The following AHI1 variants were observed in gnomAD, a reference collection of about 807,000 sequenced individuals.
The protein encoded by AHI1 is Abelson helper integration site 1, also known as jouberin.
In AHI1, 123 loss-of-function variants were observed where a neutral mutation model predicts 149.3. The ratio of observed to expected loss-of-function variants is 0.82; its 90% CI spans 0.71 to 0.96. The LOEUF (loss-of-function observed/expected upper bound fraction) is 0.96, where lower values mean the gene tolerates loss of function less well. Among genes scored for constraint, AHI1 ranks in the 40% least tolerant of loss-of-function variants. The pLI, the probability that AHI1 is intolerant of heterozygous loss-of-function variation, is 0.00. For missense variants in AHI1, 1,439 were observed against 1,422.7 expected (o/e 1.01, Z -0.18); for synonymous variants, 475 against 459.8 (o/e 1.03, Z -0.42).
At chr6:135,420,465 G>C (rs1782989555) in intron 20 of AHI1, among the ~76,000 whole-genome samples, 1 of 152,056 alleles carries the variant, frequency 6.6e-6, no homozygotes, top group African/African-American at 2.4e-5. Flanking sequence ...AAAATCTGTG[G>C]TTTACTGTAG....
At chr6:135,496,387 G>A (rs1030255710) in intron 2 of AHI1, among the ~76,000 whole-genome samples, 1 of 152,144 alleles carries the variant, frequency 6.6e-6, no homozygotes, top group African/African-American at 2.4e-5. Context: ...CAAAGTGCTA[G>A]GATTACAGGC....
intron 23 of AHI1, among the ~76,000 whole-genome samples, chr6:135,376,957 C>A (rs569456140): frequency 1.4e-5 from 1 of 72,712 alleles, no homozygotes; most frequent in Admixed American, 1.5e-4. Flanking sequence ...AATGTCATAA[C>A]AACCAAAGAA....
In AHI1 at chr6:135,466,090, T is replaced by C; in HGVS notation, c.473A>G (p.His158Arg). The C allele has an allele frequency of 6.2e-7, 1 of 1,613,972 alleles. No homozygotes were observed. The highest frequency in any genetic ancestry group is 8.5e-7 in the Non-Finnish European group (1 of 1,179,862). ...NKVDSTHQKT[H>R]TKPQPGVDHQ... ...ATCAACGCCTGGCTGTGGCTTTGTA[T>C]GTGTTTTCTGGTGTGTAGAATCAAC... is the stretch of plus-strand genomic sequence containing the variant. The change falls in exon 7 of 29, where the codon CAT (histidine) becomes CGT (arginine). Residue 158 changes from histidine (H) to arginine (R), a missense_variant. His to Arg is a conservative substitution (Grantham distance 29). Transcript: ENST00000265602.
chr6:135,380,973 A>C (rs1776682150), intron 23 of AHI1, among the ~76,000 whole-genome samples: 1 of 152,160 alleles, frequency 6.6e-6, no homozygotes, highest in African/African-American at 2.4e-5. Flanking sequence ...AAGAGAAGTT[A>C]TTTTTAAAAA....
intron 23 of AHI1, among the ~76,000 whole-genome samples, chr6:135,385,222 T>C (rs1026987100): frequency 1.3e-5 from 2 of 152,258 alleles, no homozygotes; most frequent in South Asian, 2.1e-4. Context: ...GGGTTGAAGA[T>C]AAATATCTGA....
At chr6:135,354,276 A>G (rs1792613136) in intron 24 of AHI1, among the ~76,000 whole-genome samples, 1 of 152,152 alleles carries the variant, frequency 6.6e-6, no homozygotes, top group African/African-American at 2.4e-5. Context: ...ATTCATTCGA[A>G]TAGGCCATAT....
At chr6:135,427,140 T>C in intron 20 of AHI1, 27 bp downstream of exon 20, 1 of 1,600,066 alleles carries the variant, frequency 6.2e-7, no homozygotes, top group Admixed American at 1.7e-5. Flanking sequence ...CTCTAAAAAT[T>C]CTTTACTTAT....
At chr6:135,496,887 A>G (rs568606851) in intron 2 of AHI1, among the ~76,000 whole-genome samples, 1 of 152,366 alleles carries the variant, frequency 6.6e-6, no homozygotes, top group East Asian at 1.9e-4. Flanking sequence ...TTGGTATTTG[A>G]ATTTCTTTCA....
chr6:135,453,751 T>C (rs1315410053), intron 10 of AHI1, among the ~76,000 whole-genome samples: 2 of 152,170 alleles, frequency 1.3e-5, no homozygotes, highest in Non-Finnish European at 2.9e-5. Context: ...TCATTGTTTT[T>C]TATGTATCAC....
chr6:135,400,898 A>G (rs1779937776), intron 22 of AHI1, among the ~76,000 whole-genome samples: 1 of 152,036 alleles, frequency 6.6e-6, no homozygotes, highest in Non-Finnish European at 1.5e-5. Context: ...CCCTTTAAAT[A>G]TTGAAGCCCC....
chr6:135,428,495 A>C lies in AHI1; in HGVS notation c.2623+134T>G, dbSNP rs954620666. ...AGCTGAGTTCCTTTAAAGGCTTTCT[A>C]ATCTTAAAAAACATAATTGAAAACC... On this transcript the variant is annotated intron_variant, in intron 19 of 28. Coordinates refer to ENST00000265602, the MANE Select transcript of AHI1 (RefSeq NM_001134831.2). The C allele has an allele frequency of 1.1e-4, 124 of 1,119,544 alleles. 1 individual carries two copies. Among genetic ancestry groups the C allele is most frequent in the Middle Eastern group, 2.1e-4 (1 of 4,804 alleles). The allele number at this position is 1,119,544 out of a possible 1,614,324, so 69.4% of individuals were successfully genotyped here.
rs2128384698 is a variant in AHI1, at chr6:135,323,256, G to C, written c.3234C>G (p.Ile1078Met). The C allele has an allele frequency of 1.2e-6, 2 of 1,613,802 alleles. No homozygotes were observed. Among genetic ancestry groups the C allele is most frequent in the Middle Eastern group, 1.7e-4 (1 of 6,060 alleles). ...DELTIHRGDIIRVFFKDNEDW... is the reference protein window; with the variant it reads ...DELTIHRGDIMRVFFKDNEDW... ...CTTCATTATCTTTGAAAAACACTCG[G>C]ATAATGTCTCCGCGATGGATGGTTA... The change falls in exon 25 of 29, where the codon ATC becomes ATG. Residue 1078 changes from isoleucine to methionine, a missense_variant. Transcript: ENST00000265602.
intron 23 of AHI1, among the ~76,000 whole-genome samples, chr6:135,381,945 T>C (rs1269339683): frequency 6.6e-6 from 1 of 152,246 alleles, no homozygotes; most frequent in Non-Finnish European, 1.5e-5. Context: ...AAAATGTTTT[T>C]ATTTTTTAAA....
intron 23 of AHI1, among the ~76,000 whole-genome samples, chr6:135,360,366 CATG>C (rs1793672360): frequency 6.6e-6 from 1 of 152,176 alleles, no homozygotes; most frequent in Admixed American, 6.5e-5. Flanking sequence ...CACTGCCCTC[CATG>C]ATGTTAAGTG....
chr6:135,381,409 CAT>C (rs1776751081), intron 23 of AHI1, among the ~76,000 whole-genome samples: 2 of 152,148 alleles, frequency 1.3e-5, no homozygotes, highest in South Asian at 4.1e-4. Context: ...AACACACCCA[CAT>C]AGACATTAAT....
chr6:135,303,715 T>C (rs1784185947), intron 26 of AHI1, among the ~76,000 whole-genome samples: 1 of 152,200 alleles, frequency 6.6e-6, no homozygotes, highest in Admixed American at 6.5e-5. Flanking sequence ...ACTGATTTAA[T>C]GGCAAAACTA....
intron 26 of AHI1, among the ~76,000 whole-genome samples, chr6:135,303,131 T>C (rs1784097449): frequency 6.6e-6 from 1 of 152,128 alleles, no homozygotes; most frequent in Admixed American, 6.5e-5. Context: ...AAATGATTAA[T>C]GGAATGATTA....
At position 135,348,592 on chromosome 6, in the gene AHI1, T is replaced by G. The variant is rs543005991; in HGVS notation, c.3165+9540A>C. ...TTAAATTGCCTGCAGGAAAAAAAAT[T>G]GTTGCCATTTTGATTTTGTGCACTG... is the stretch of plus-strand genomic sequence containing the variant. On this transcript the variant is annotated intron_variant, in intron 24 of 28. Coordinates refer to ENST00000265602, the MANE Select transcript of AHI1 (RefSeq NM_001134831.2). 4.4e-4 allele frequency among the ~76,000 whole-genome samples: 67 copies of G among 152,286 alleles called. 1 individual carries two copies. Among genetic ancestry groups the G allele is most frequent in the African/African-American group, 1.5e-3 (63 of 41,570 alleles).
At chr6:135,465,183 A>AG (rs1390151637) in intron 7 of AHI1, among the ~76,000 whole-genome samples, 6 of 152,164 alleles carry the variant, frequency 3.9e-5, no homozygotes, top group Non-Finnish European at 7.4e-5. Context: ...GGAGAACTGC[A>AG]GGGGGGAACA....
Sources: gnomAD v4.1 joint callset for allele counts (sites outside exome capture counted in the v4.1 genomes callset) on GRCh38, gnomAD v4.1.1 for gene constraint, MANE v1.5 for transcripts, NCBI Gene and HGNC (gene_info 2026-07-23, HGNC 2026-07-21) for gene names.